Variants in DMD observed in about 807,000 individuals in gnomAD.
DMD encodes the protein mutant dystrophin.
A neutral mutation model predicts 330.1 loss-of-function variants in DMD; 63 were observed. That is an observed-to-expected ratio of 0.19 (90% CI 0.16 to 0.24). The LOEUF (loss-of-function observed/expected upper bound fraction) is 0.24, where lower values mean the gene tolerates loss of function less well. Among genes scored for constraint, DMD ranks in the 10% least tolerant of loss-of-function variants. DMD has a pLI of 1.00. For synonymous variants in DMD, 1,223 were observed against 959.8 expected (o/e 1.27, Z -5.07); for missense variants, 3,344 against 2,684.1 (o/e 1.25, Z -5.43).
At chrX:31,953,288 C>T (rs1330306204) in intron 45 of DMD, among the ~76,000 whole-genome samples, 1 of 111,727 alleles carries the variant, frequency 9.0e-6, no homozygotes. Context: ...TTTTGTTTGC[C>T]GCCTAGGTCT....
intron 50 of DMD, among the ~76,000 whole-genome samples, chrX:31,788,083 A>G (rs1320248256): frequency 8.9e-6 from 1 of 112,316 alleles, no homozygotes; most frequent in African/African-American, 3.2e-5. Flanking sequence ...TGTTCCTCAG[A>G]GCATTAGCAT....
At chrX:32,809,919 C>CCAAAAAAAAAAAAAAAAAAAAA (rs2077222247) in intron 6 of DMD, among the ~76,000 whole-genome samples, 1 of 28,660 alleles carries the variant, frequency 3.5e-5, no homozygotes, top group African/African-American at 1.3e-4. Context: ...TTGTTTCTAC[C>CCAAAAAAAAAAAAAAAAAAAAA]AAAAAAAAAA....
intron 11 of DMD, among the ~76,000 whole-genome samples, chrX:32,616,690 CTTTTTTTT>C (rs1173392895): frequency 6.6e-5 from 4 of 60,223 alleles, no homozygotes; most frequent in African/African-American, 1.6e-4. Flanking sequence ...GTTCTGGTTC[CTTTTTTTT>C]TTTTTTTTTT....
chrX:32,219,264 T>C (rs1261235199), intron 43 of DMD, among the ~76,000 whole-genome samples: 1 of 111,987 alleles, frequency 8.9e-6, no homozygotes, highest in Non-Finnish European at 1.9e-5. Flanking sequence ...TTCAATGGTA[T>C]ATAACACACA....
chrX:33,287,201 T>A (rs774914098), intron 1 of DMD, among the ~76,000 whole-genome samples: 59 of 111,781 alleles, frequency 5.3e-4, no homozygotes, highest in Middle Eastern at 4.6e-3. Context: ...ATTATATATT[T>A]GGGTTACATA....
chrX:32,882,259 T>C (rs2084025172), intron 2 of DMD, among the ~76,000 whole-genome samples: 1 of 111,605 alleles, frequency 9.0e-6, no homozygotes, highest in East Asian at 2.8e-4. Flanking sequence ...TTCTAAGTGT[T>C]AGTAATTCTA....
chrX:33,081,423 G>A (rs1160596991), intron 1 of DMD, among the ~76,000 whole-genome samples: 1 of 111,663 alleles, frequency 9.0e-6, no homozygotes, highest in Non-Finnish European at 1.9e-5. Context: ...ACAGGCATGT[G>A]CCACCACGCC....
intron 50 of DMD, among the ~76,000 whole-genome samples, chrX:31,800,315 C>G (rs962375861): frequency 8.9e-6 from 1 of 112,601 alleles, no homozygotes; most frequent in East Asian, 2.8e-4. Flanking sequence ...AGGTTGCAAA[C>G]CTCAATTCTT....
chrX:32,482,071 C>A (rs2041956508), intron 21 of DMD, among the ~76,000 whole-genome samples: 1 of 111,639 alleles, frequency 9.0e-6, no homozygotes, highest in Non-Finnish European at 1.9e-5. Flanking sequence ...AATAAAATCC[C>A]TAATAATTAT....
intron 62 of DMD, among the ~76,000 whole-genome samples, chrX:31,271,044 T>C (rs767189690): frequency 1.8e-5 from 2 of 112,009 alleles, no homozygotes; most frequent in African/African-American, 6.5e-5. Flanking sequence ...CCTGAGATTC[T>C]AATTTAATTG....
chrX:32,393,383 T>A (rs1486319236), intron 30 of DMD, among the ~76,000 whole-genome samples: 1 of 111,321 alleles, frequency 9.0e-6, no homozygotes, highest in African/African-American at 3.3e-5. Context: ...AGAAATCAGG[T>A]ATTAAATAAC....
chrX:31,542,806 A>G (rs769616291), intron 55 of DMD, among the ~76,000 whole-genome samples: 15 of 113,012 alleles, frequency 1.3e-4, no homozygotes, highest in African/African-American at 4.5e-4. Flanking sequence ...TAGATAAGAG[A>G]TAAGAGGCCA....
intron 67 of DMD, among the ~76,000 whole-genome samples, chrX:31,189,403 C>T (rs2042101353): frequency 9.0e-6 from 1 of 111,423 alleles, no homozygotes; most frequent in Non-Finnish European, 1.9e-5. Context: ...CCACAGTAGG[C>T]CCAGCTGAAC....
rs1175532244 is a variant in DMD, at chrX:31,138,624, GGAGAGAGAGA to G, written c.10922-4440_10922-4431del. ...GCAAGGCACCTCTTACATGGCAGCA[GGAGAGAGAGA>G]GAGAGAGAGAGAGAGAGAGAGAGAG... On this transcript the variant is annotated intron_variant, in intron 76 of 78. Coordinates refer to ENST00000357033, the MANE Select transcript of DMD (RefSeq NM_004006.3). 7.0e-3 allele frequency among the ~76,000 whole-genome samples: 412 copies of G among 58,737 alleles called. 4 individuals carry two copies. The highest frequency in any genetic ancestry group is 0.023 in the African/African-American group (305 of 13,231). The allele number at this position is 58,737 out of a possible 115,157, so 51.0% of individuals were successfully genotyped here. A position where few individuals can be genotyped will look rare whatever the true frequency, so the allele number is the denominator to read the frequency against.
chrX:32,089,922 T>C (rs1321677225), intron 44 of DMD, among the ~76,000 whole-genome samples: 3 of 111,886 alleles, frequency 2.7e-5, no homozygotes, highest in African/African-American at 9.7e-5. Context: ...TGTTAAGTGT[T>C]CCTATTAAGA....
chrX:32,130,892 T>C (rs2096689673), intron 44 of DMD, among the ~76,000 whole-genome samples: 1 of 112,161 alleles, frequency 8.9e-6, no homozygotes, highest in Non-Finnish European at 1.9e-5. Context: ...AAAATTGTTA[T>C]TACTTTTTAA....
intron 53 of DMD, among the ~76,000 whole-genome samples, chrX:31,678,354 A>C (rs2082194647): frequency 8.9e-6 from 1 of 111,800 alleles, no homozygotes; most frequent in Non-Finnish European, 1.9e-5. Context: ...CAATCTGATC[A>C]ACCTCCTACC....
intron 7 of DMD, among the ~76,000 whole-genome samples, chrX:32,721,713 T>G (rs2066336239): frequency 9.0e-6 from 1 of 111,370 alleles, no homozygotes; most frequent in East Asian, 2.8e-4. Flanking sequence ...TAGTTTATTT[T>G]TGTTTTCTTG....
rs752100397 is a variant in DMD, at chrX:32,065,220, GA to G, written c.6439-96707del. On this transcript the variant is annotated intron_variant, in intron 44 of 78. Transcript: ENST00000357033. ...GTCTACGTAATAAATCACACCACAG[GA>G]ACATGTCAAAAAGACTAATGCAAGT... is the stretch of plus-strand genomic sequence containing the variant. Among the ~76,000 whole-genome samples the G allele has an allele frequency of 1.1e-4, 12 of 111,376 alleles. No individual in the cohort carries two copies. In the East Asian group the frequency reaches 1.4e-3, roughly 13 times the overall value.
Sources: gnomAD v4.1 joint callset for allele counts (sites outside exome capture counted in the v4.1 genomes callset) on GRCh38, gnomAD v4.1.1 for gene constraint, MANE v1.5 for transcripts, NCBI Gene and HGNC (gene_info 2026-07-23, HGNC 2026-07-21) for gene names.